MATN2: variants seen among roughly 807,000 people sequenced by gnomAD.
MATN2 encodes the protein matrilin-2.
MATN2 carries 69 observed loss-of-function variants against 103.2 expected under a neutral mutation model. The observed-to-expected ratio is 0.67, with a 90% CI of 0.55 to 0.82. MATN2 has a LOEUF of 0.82. Ranked by LOEUF, MATN2 falls within the 40% of genes least tolerant of loss-of-function variation. MATN2 has a pLI of 0.00. For missense variants in MATN2, 1,023 were observed against 1,211.5 expected (o/e 0.84, Z 2.31); for synonymous variants, 429 against 450.2 (o/e 0.95, Z 0.60).
rs780058690 is a variant in MATN2 at position 97,978,929 on chromosome 8, G to A, written c.1002G>A (p.Glu334=). ...CASENHGCEH[E]CVNADGSYLC... ...CAGAAAACCACGGATGTGAACATGA[G>A]TGTGTAAATGCTGATGGCTCCTACC... The change falls in exon 6 of 19, where the codon GAG becomes GAA. Residue 334 remains glutamate, a synonymous_variant. Transcript: ENST00000254898. 1 of 1,613,822 alleles carries A rather than the reference G, an allele frequency of 6.2e-7. No individual in the cohort carries two copies.
rs1813011097 is a variant in MATN2, at chr8:98,007,424, C to T, written c.1451-55C>T. The stretch of plus-strand genomic sequence containing the variant: ...GAGCATGACGGTCACTTGATCCAAT[C>T]ACTGTCGCCCAGAGGTCTCACTGAT... On this transcript the variant is annotated intron_variant, in intron 9 of 18. Coordinates refer to ENST00000254898, the MANE Select transcript of MATN2 (RefSeq NM_002380.5). This position sits in a 1 kb window ranked among gnomAD's most constrained non-coding sequence, Gnocchi z 4.2. The T allele has an allele frequency of 6.3e-7, 1 of 1,588,370 alleles. No individual in the cohort carries two copies. The highest frequency in any genetic ancestry group is 1.3e-5 in the African/African-American group (1 of 74,536).
At chr8:97,959,489 A>T (rs1416764183) in intron 4 of MATN2, among the ~76,000 whole-genome samples, 1 of 152,188 alleles carries the variant, frequency 6.6e-6, no homozygotes, top group Non-Finnish European at 1.5e-5. Flanking sequence ...TCTTCCGGTT[A>T]TGGGTGTTTT....
At chr8:97,902,833 G>T (rs1270949488) in intron 2 of MATN2, among the ~76,000 whole-genome samples, 1 of 152,142 alleles carries the variant, frequency 6.6e-6, no homozygotes, top group Non-Finnish European at 1.5e-5. Context: ...GCAGTAAAAG[G>T]CTCGTTACCC....
intron 4 of MATN2, among the ~76,000 whole-genome samples, chr8:97,952,876 A>C (rs559214691): frequency 6.6e-6 from 1 of 151,706 alleles, no homozygotes; most frequent in South Asian, 2.1e-4. Context: ...GCCAGAGATA[A>C]ATTTTAGAAC....
At chr8:97,994,918 G>A (rs886623634) in intron 7 of MATN2, among the ~76,000 whole-genome samples, 2 of 152,168 alleles carry the variant, frequency 1.3e-5, no homozygotes, top group Admixed American at 1.3e-4. Context: ...AGAAAAGAAT[G>A]GGCCCAGAGA....
At chr8:97,915,537 T>G (rs1482294547) in intron 2 of MATN2, among the ~76,000 whole-genome samples, 1 of 152,158 alleles carries the variant, frequency 6.6e-6, no homozygotes, top group East Asian at 1.9e-4. Context: ...CCTTCCTCCT[T>G]GTGTACCTAC....
intron 2 of MATN2, among the ~76,000 whole-genome samples, chr8:97,895,928 T>C (rs1025902621): frequency 2.0e-5 from 3 of 152,218 alleles, no homozygotes. Flanking sequence ...AAAGGATGCA[T>C]GGCTTAGGGG....
At chr8:97,984,086 G>A (rs978209886) in intron 6 of MATN2, among the ~76,000 whole-genome samples, 2 of 152,164 alleles carry the variant, frequency 1.3e-5, no homozygotes, top group Non-Finnish European at 2.9e-5. Flanking sequence ...CTCCCTATGT[G>A]GATAAATCAA....
intron 1 of MATN2, among the ~76,000 whole-genome samples, chr8:97,874,437 G>A (rs1334908845): frequency 1.4e-5 from 2 of 138,420 alleles, no homozygotes; most frequent in Non-Finnish European, 3.1e-5. Flanking sequence ...ACAAGGTTTT[G>A]CTCTGTCGCC....
chr8:97,943,451 T>A (rs1810642677), intron 4 of MATN2, among the ~76,000 whole-genome samples: 2 of 150,986 alleles, frequency 1.3e-5, no homozygotes, highest in African/African-American at 2.5e-5. Context: ...CTCCTCCACC[T>A]CCTCCTCCTC....
intron 7 of MATN2, among the ~76,000 whole-genome samples, chr8:98,001,249 G>T (rs1355830590): frequency 6.6e-6 from 1 of 152,128 alleles, no homozygotes. Flanking sequence ...TTGGTCCTAT[G>T]GATGGCTCAG....
At chr8:97,972,716 G>A (rs1358805542) in intron 5 of MATN2, among the ~76,000 whole-genome samples, 1 of 152,218 alleles carries the variant, frequency 6.6e-6, no homozygotes, top group Non-Finnish European at 1.5e-5. Flanking sequence ...CTTAGAGACA[G>A]TGGAGTGATT....
At chr8:97,988,189 T>TATATATATATATATATACAC (rs71570279) in intron 6 of MATN2, among the ~76,000 whole-genome samples, 19 of 54,948 alleles carry the variant, frequency 3.5e-4, no homozygotes, top group African/African-American at 1.2e-3. Flanking sequence ...TATATATATA[T>TATATATATATATATATACAC]ACACACACAC....
intron 4 of MATN2, among the ~76,000 whole-genome samples, chr8:97,945,684 C>T (rs1038594602): frequency 1.4e-5 from 2 of 138,912 alleles, no homozygotes; most frequent in African/African-American, 5.4e-5. Flanking sequence ...CCTTCAAATA[C>T]ACACACACAT....
intron 6 of MATN2, among the ~76,000 whole-genome samples, chr8:97,986,425 G>A (rs1463855985): frequency 1.3e-5 from 2 of 152,180 alleles, no homozygotes. Flanking sequence ...TACCCAATGT[G>A]TAGTCTTTTA....
Position 98,027,553 on chromosome 8 carries a change from G to A in MATN2, c.2080G>A (p.Val694Met), listed in dbSNP as rs1165482054. The stretch of plus-strand genomic sequence containing the variant: ...GACAATTTCCCCCAAAGCCGCTCGA[G>A]TGGGGCTGCTCCAGTATTCCACACA... ...SLTISPKAAR[V>M]GLLQYSTQVH... Residue 694 changes from valine to methionine, a missense_variant, in exon 14 of 19, where the codon GTG becomes ATG. Transcript: ENST00000254898. The A allele has an allele frequency of 6.2e-7, 1 of 1,613,942 alleles. No individual in the cohort carries two copies. Among genetic ancestry groups the A allele is most frequent in the South Asian group, 1.1e-5 (1 of 91,078 alleles).
At chr8:97,907,953 T>G (rs1418442452) in intron 2 of MATN2, among the ~76,000 whole-genome samples, 1 of 151,882 alleles carries the variant, frequency 6.6e-6, no homozygotes, top group African/African-American at 2.4e-5. Context: ...GCCTGACCAA[T>G]CTGGTGAAAC....
intron 13 of MATN2, among the ~76,000 whole-genome samples, chr8:98,023,973 A>G (rs1455737610): frequency 6.6e-6 from 1 of 152,202 alleles, no homozygotes; most frequent in Non-Finnish European, 1.5e-5. Flanking sequence ...TCTCAGTTAT[A>G]AGTGGGAGCT....
chr8:98,021,568 T>C (rs1168443837), intron 13 of MATN2, among the ~76,000 whole-genome samples: 1 of 152,066 alleles, frequency 6.6e-6, no homozygotes, highest in Non-Finnish European at 1.5e-5. Flanking sequence ...TGAACAGCAA[T>C]GTCTGCATGA....
Sources: gnomAD v4.1 joint callset for allele counts (sites outside exome capture counted in the v4.1 genomes callset) on GRCh38, gnomAD v4.1.1 for gene constraint, Gnocchi (gnomAD v3.1) non-coding constraint, MANE v1.5 for transcripts, NCBI Gene and HGNC (gene_info 2026-07-23, HGNC 2026-07-21) for gene names.